SLC9B1: variants seen among roughly 807,000 people sequenced by gnomAD.
The protein encoded by SLC9B1 is sodium/hydrogen exchanger 9B1.
SLC9B1 carries 32 observed loss-of-function variants against 51.7 expected under a neutral mutation model. The observed-to-expected ratio is 0.62, with a 90% CI of 0.47 to 0.83. The LOEUF (loss-of-function observed/expected upper bound fraction) is 0.83. Among genes scored for constraint, SLC9B1 ranks in the 40% least tolerant of loss-of-function variants. The pLI, the probability that SLC9B1 is intolerant of heterozygous loss-of-function variation, is 0.00. For missense variants in SLC9B1, 406 were observed against 613.2 expected (o/e 0.66, Z 3.57); for synonymous variants, 145 against 212.7 (o/e 0.68, Z 2.77).
At chr4:103,008,703 A>C in intron 1 of SLC9B1, among the ~76,000 whole-genome samples, 1 of 151,598 alleles carries the variant, frequency 6.6e-6, no homozygotes, top group East Asian at 1.9e-4. Context: ...ATATTGAGTA[A>C]ATTTCTTGTC....
chr4:102,997,705 C>A (rs1740300732), intron 1 of SLC9B1, among the ~76,000 whole-genome samples: 1 of 152,036 alleles, frequency 6.6e-6, no homozygotes, highest in Admixed American at 6.6e-5. Context: ...TAAATCATTG[C>A]TAACCTTGGT....
intron 1 of SLC9B1, among the ~76,000 whole-genome samples, chr4:102,995,127 G>T (rs1740147946): frequency 6.6e-6 from 1 of 151,462 alleles, no homozygotes; most frequent in Admixed American, 6.6e-5. Context: ...TTGAGGAGAG[G>T]ACACAAAATT....
At chr4:102,925,889 T>C (rs1736142320) in intron 7 of SLC9B1, among the ~76,000 whole-genome samples, 1 of 152,120 alleles carries the variant, frequency 6.6e-6, no homozygotes, top group African/African-American at 2.4e-5. Context: ...ATCAAAAAGC[T>C]TATCCACCAC....
At chr4:102,960,161 A>T (rs1319602576) in intron 3 of SLC9B1, among the ~76,000 whole-genome samples, 1 of 151,506 alleles carries the variant, frequency 6.6e-6, no homozygotes, top group Non-Finnish European at 1.5e-5. Context: ...CATTAAAGAA[A>T]TGTGAAAAAT....
intron 1 of SLC9B1, among the ~76,000 whole-genome samples, chr4:103,019,314 G>A (rs1037930510): frequency 1.6e-4 from 24 of 152,210 alleles, no homozygotes; most frequent in Admixed American, 5.9e-4. Context: ...TTAACTGACA[G>A]ATCTCTTCTT....
chr4:103,009,354 T>C (rs4698874), intron 1 of SLC9B1, among the ~76,000 whole-genome samples: 82,702 of 151,952 alleles, frequency 0.54, 23,061 homozygotes, highest in African/African-American at 0.68. Flanking sequence ...AGCAAAACTT[T>C]ATGGCCAACT....
chr4:102,905,860 A>G (rs1170307981), intron 10 of SLC9B1, among the ~76,000 whole-genome samples: 2 of 152,200 alleles, frequency 1.3e-5, no homozygotes, highest in African/African-American at 2.4e-5. Flanking sequence ...TGGTGGAAGT[A>G]CCATGAAAAA....
intron 3 of SLC9B1, among the ~76,000 whole-genome samples, chr4:102,973,366 T>C (rs925279399): frequency 1.3e-5 from 2 of 151,888 alleles, no homozygotes; most frequent in African/African-American, 4.8e-5. Flanking sequence ...TGTAAAGACA[T>C]CTATGCAAGT....
chr4:102,997,137 G>T (rs960974601), intron 1 of SLC9B1, among the ~76,000 whole-genome samples: 9 of 151,956 alleles, frequency 5.9e-5, no homozygotes, highest in Non-Finnish European at 1.2e-4. Context: ...CTCCACTTTT[G>T]TTGTTCTTCA....
intron 11 of SLC9B1, among the ~76,000 whole-genome samples, chr4:102,895,621 C>T (rs1488105656): frequency 6.6e-6 from 1 of 152,086 alleles, no homozygotes. Context: ...AAATTTTAAA[C>T]ATTAAAATTT....
intron 3 of SLC9B1, among the ~76,000 whole-genome samples, chr4:102,968,368 T>C (rs958163116): frequency 9.9e-5 from 15 of 152,198 alleles, no homozygotes; most frequent in African/African-American, 3.6e-4. Context: ...CCTAATTGTA[T>C]GAGCTAAAAC....
chr4:102,919,058 T>C (rs1735728888), intron 7 of SLC9B1, among the ~76,000 whole-genome samples: 1 of 152,188 alleles, frequency 6.6e-6, no homozygotes, highest in Non-Finnish European at 1.5e-5. Context: ...GCAGCAAAGC[T>C]CTGGGCCTGG....
At chr4:102,940,888 T>G (rs1046390085) in intron 6 of SLC9B1, among the ~76,000 whole-genome samples, 1 of 152,108 alleles carries the variant, frequency 6.6e-6, no homozygotes, top group Non-Finnish European at 1.5e-5. Context: ...GAATCCCTAC[T>G]CGGAAATTGT....
At chr4:102,968,507 T>A (rs1347176335) in intron 3 of SLC9B1, among the ~76,000 whole-genome samples, 2 of 152,224 alleles carry the variant, frequency 1.3e-5, no homozygotes, top group Non-Finnish European at 2.9e-5. Context: ...TTCATCAAAA[T>A]GATGAAATCT....
chr4:102,909,529 G>C (rs1735233482), intron 9 of SLC9B1, among the ~76,000 whole-genome samples: 1 of 152,240 alleles, frequency 6.6e-6, no homozygotes, highest in African/African-American at 2.4e-5. Flanking sequence ...CTTGAATCCA[G>C]GAGGTGGAGT....
chr4:102,928,021 A>T (rs1186852399), intron 7 of SLC9B1, among the ~76,000 whole-genome samples: 1 of 152,054 alleles, frequency 6.6e-6, no homozygotes, highest in East Asian at 1.9e-4. Flanking sequence ...GTGGGAATTG[A>T]ACAATGAGAT....
intron 1 of SLC9B1, among the ~76,000 whole-genome samples, chr4:103,014,522 G>A (rs554174808): frequency 1.2e-4 from 18 of 152,318 alleles, no homozygotes; most frequent in Admixed American, 1.1e-3. Context: ...CGTTTAGGAT[G>A]TGAGAGAAGT....
chr4:102,966,240 G>A (rs1738423841), intron 3 of SLC9B1, among the ~76,000 whole-genome samples: 1 of 152,162 alleles, frequency 6.6e-6, no homozygotes, highest in South Asian at 2.1e-4. Context: ...ATTGCCCTAG[G>A]GAAGATACAC....
rs568499866 is a variant in SLC9B1, at chr4:102,922,239, A to T, written c.829+9885T>A. 3.9e-5 allele frequency among the ~76,000 whole-genome samples: 6 copies of T among 152,358 alleles called. No homozygotes were observed. In the South Asian group the frequency reaches 1.2e-3, roughly 32 times the overall value. ...TCAGACCACAGTGCAATCAAATTAG[A>T]ACTTAGGATTAAGAAGCTCCCTCAA... On this transcript the variant is annotated intron_variant, in intron 7 of 11. Transcript: ENST00000296422.
Sources: gnomAD v4.1 joint callset for allele counts (sites outside exome capture counted in the v4.1 genomes callset) on GRCh38, gnomAD v4.1.1 for gene constraint, MANE v1.5 for transcripts, NCBI Gene and HGNC (gene_info 2026-07-23, HGNC 2026-07-21) for gene names.